Variants in TET3 observed in about 807,000 individuals in gnomAD.
TET3 encodes methylcytosine dioxygenase TET3.
A neutral mutation model predicts 141.4 loss-of-function variants in TET3; 19 were observed. The observed-to-expected ratio is 0.13, with a 90% CI of 0.09 to 0.20. The LOEUF (loss-of-function observed/expected upper bound fraction) is 0.20, where lower values mean the gene tolerates loss of function less well. Ranked by LOEUF, TET3 falls within the 10% of genes least tolerant of loss-of-function variation. The pLI, the probability that TET3 is intolerant of heterozygous loss-of-function variation, is 1.00. For synonymous variants in TET3, 1,043 were observed against 980.9 expected, an observed-to-expected ratio of 1.06 and a Z score of -1.18; for missense variants, 1,874 against 2,356.9, an observed-to-expected ratio of 0.80 and a Z score of 4.24.
intron 4 of TET3, among the ~76,000 whole-genome samples, chr2:74,051,218 C>T (rs1160420123): frequency 6.6e-6 from 1 of 152,176 alleles, no homozygotes; most frequent in African/African-American, 2.4e-5. Flanking sequence ...GAGGAGCCTC[C>T]ACCAGAGAGG....
downstream of TET3, among the ~76,000 whole-genome samples, chr2:74,108,551 G>C (rs984089752): frequency 6.6e-6 from 1 of 152,126 alleles, no homozygotes; most frequent in African/African-American, 2.4e-5. Context: ...AATGCTGCTT[G>C]GTTCGGATGG....
At chr2:74,088,067 G>A (rs1690258689) in intron 7 of TET3, 29 bp downstream of exon 7, 4 of 1,548,288 alleles carry the variant, frequency 2.6e-6, no homozygotes, top group Admixed American at 3.9e-5. Flanking sequence ...CAGGGCCAGG[G>A]CCCACCTATA....
chr2:74,027,472 AT>A (rs975358165), intron 3 of TET3, among the ~76,000 whole-genome samples: 74 of 152,008 alleles, frequency 4.9e-4, no homozygotes, highest in African/African-American at 1.8e-3. Flanking sequence ...AGTTCACAAA[AT>A]TTTTATCCAT....
At chr2:74,008,477 T>C (rs1685259479) in intron 3 of TET3, among the ~76,000 whole-genome samples, 1 of 152,228 alleles carries the variant, frequency 6.6e-6, no homozygotes, top group Non-Finnish European at 1.5e-5. Flanking sequence ...TAAAGCTCCA[T>C]TGCCACAGGC....
intron 3 of TET3, among the ~76,000 whole-genome samples, chr2:74,019,479 C>A (rs1280387591): frequency 2.0e-5 from 3 of 152,186 alleles, no homozygotes; most frequent in Non-Finnish European, 4.4e-5. Context: ...CTCAAGTCCT[C>A]ATGGTATATT....
rs138749874 is a variant in TET3, at chr2:73,990,612, T to G, written c.303+3906T>G. On this transcript the variant is annotated intron_variant, in intron 2 of 11. Transcript: ENST00000409262. ...GCATAGAAAAATGTATGCATAAGTTTGGAAGCATGACTGAGAATATTATGG... is the reference window on the plus strand; with the variant it reads ...GCATAGAAAAATGTATGCATAAGTTGGGAAGCATGACTGAGAATATTATGG... 8.5e-5 allele frequency among the ~76,000 whole-genome samples: 13 copies of G among 152,280 alleles called. No individual in the cohort carries two copies. The East Asian group carries it at 1.5e-3, about 18-fold the overall frequency.
At chr2:74,048,589 G>A (rs902057781) in intron 4 of TET3, among the ~76,000 whole-genome samples, 178 bp downstream of exon 4, 10 of 152,210 alleles carry the variant, frequency 6.6e-5, no homozygotes, top group South Asian at 4.1e-4. Context: ...AGAAATTGAC[G>A]TGATACTGTG....
At chr2:74,134,519 T>G in the TET3 span, 4 of 335,014 alleles carry the variant, frequency 1.2e-5, no homozygotes, top group Non-Finnish European at 2.4e-5. Flanking sequence ...GGAGGTACCT[T>G]CAGAACCAAT....
At chr2:74,098,432 TTTAA>T (rs1690972196) in intron 10 of TET3, among the ~76,000 whole-genome samples, 1 of 152,146 alleles carries the variant, frequency 6.6e-6, no homozygotes, top group Non-Finnish European at 1.5e-5. Flanking sequence ...TAATACCCCC[TTTAA>T]TTAGCAAAAA....
At chr2:74,020,494 G>C (rs1207068532) in intron 3 of TET3, among the ~76,000 whole-genome samples, 2 of 152,220 alleles carry the variant, frequency 1.3e-5, no homozygotes, top group Non-Finnish European at 2.9e-5. Flanking sequence ...CATTTTATAT[G>C]TAAGCTTTTG....
intron 2 of TET3, among the ~76,000 whole-genome samples, chr2:73,995,361 C>A (rs1190742034): frequency 6.6e-6 from 1 of 152,220 alleles, no homozygotes; most frequent in Non-Finnish European, 1.5e-5. Context: ...TAGACCTAAT[C>A]TCAGACCTCA....
intron 7 of TET3, among the ~76,000 whole-genome samples, chr2:74,089,302 G>GTGTTCATCTGTGT (rs1450274808): frequency 1.1e-4 from 17 of 152,128 alleles, no homozygotes; most frequent in African/African-American, 4.1e-4. Flanking sequence ...AGTGTTTTCA[G>GTGTTCATCTGTGT]TGTTCATCTG....
intron 10 of TET3, 107 bp from the exon 11 acceptor site, chr2:74,099,169 G>A (rs1274517488): frequency 9.7e-7 from 1 of 1,026,724 alleles, no homozygotes; most frequent in Non-Finnish European, 1.4e-6. Context: ...CTGGTATTGG[G>A]ATTGTGTGGG....
chr2:74,100,316 C>T lies in TET3; in HGVS notation c.3605-77C>T, dbSNP rs1399936335. The T allele has an allele frequency of 3.5e-6, 5 of 1,430,836 alleles. No individual in the cohort carries two copies. The East Asian group carries it at 1.2e-4, about 36-fold the overall frequency. The allele number at this position is 1,430,836 out of a possible 1,614,324, so 88.6% of individuals were successfully genotyped here. ...TCCCTGGGAAAGAGGGAGGGTCCATCCCCAGTCCCCGACCCAGGGCCTCTC... is the reference window on the plus strand; with the variant it reads ...TCCCTGGGAAAGAGGGAGGGTCCATTCCCAGTCCCCGACCCAGGGCCTCTC... On this transcript the variant is annotated intron_variant, in intron 11 of 11. Transcript: ENST00000409262.
At chr2:74,052,104 C>T (rs1456729607) in intron 4 of TET3, among the ~76,000 whole-genome samples, 2 of 152,110 alleles carry the variant, frequency 1.3e-5, no homozygotes. Flanking sequence ...CTCGACCTCC[C>T]GAGTAGCTGG....
chr2:74,023,275 T>C (rs1686151818), intron 3 of TET3, among the ~76,000 whole-genome samples: 2 of 152,220 alleles, frequency 1.3e-5, no homozygotes, highest in African/African-American at 4.8e-5. Context: ...GGTCTTGCTG[T>C]GTCACGTAGG....
chr2:74,100,185 G>GTGGGGC (rs1345215688), intron 11 of TET3, among the ~76,000 whole-genome samples: 4 of 152,168 alleles, frequency 2.6e-5, no homozygotes, highest in African/African-American at 7.2e-5. Context: ...CCCACCCCCA[G>GTGGGGC]TGGGGCTGGG....
intron 3 of TET3, among the ~76,000 whole-genome samples, chr2:74,038,365 C>T (rs1687175304): frequency 1.3e-5 from 2 of 152,186 alleles, no homozygotes; most frequent in Admixed American, 1.3e-4. Flanking sequence ...GATGGGAACA[C>T]ACCTCCAACT....
At chr2:74,016,320 A>C (rs981823680) in intron 3 of TET3, among the ~76,000 whole-genome samples, 2 of 151,862 alleles carry the variant, frequency 1.3e-5, no homozygotes, top group Admixed American at 1.3e-4. Context: ...AAAAAAAAAA[A>C]ATTCAATGGA....
Sources: allele counts gnomAD v4.1 joint callset (sites outside exome capture counted in the v4.1 genomes callset), GRCh38; gene constraint gnomAD v4.1.1; transcripts MANE v1.5; gene names NCBI Gene and HGNC (gene_info 2026-07-23, HGNC 2026-07-21).